SVBP: variants seen among roughly 807,000 people sequenced by gnomAD.
SVBP encodes the protein small vasohibin-binding protein.
In SVBP, 9 loss-of-function variants were observed where a neutral mutation model predicts 9.2. The ratio of observed to expected loss-of-function variants is 0.98; its 90% CI spans 0.59 to 1.71. SVBP has a LOEUF of 1.71. SVBP is among the 40% of genes most tolerant of loss of function. SVBP has a pLI of 0.00. For missense variants in SVBP, 63 were observed against 73.2 expected, an observed-to-expected ratio of 0.86 and a Z score of 0.51; for synonymous variants, 27 against 23.9, an observed-to-expected ratio of 1.13 and a Z score of -0.37.
In SVBP at chr1:42,816,515, G is replaced by C. The variant is rs752729476; in HGVS notation, c.30C>G (p.Thr10=). The C allele has an allele frequency of 9.9e-6, 16 of 1,613,778 alleles. No homozygotes were observed. Among genetic ancestry groups the C allele is most frequent in the Non-Finnish European group, 1.4e-5 (16 of 1,179,926 alleles). The change falls in exon 2 of 3, where the codon ACC becomes ACG. Residue 10 remains threonine (T), a synonymous_variant. Coordinates refer to ENST00000372521, the MANE Select transcript of SVBP (RefSeq NM_199342.4). The part of the protein sequence containing the change: MDPPARKEK[T]KVKESVSRVE... ...CTCTGCTGACAGATTCTTTAACTTT[G>C]GTTTTTTCTTTACGTGCAGGTGGAT... is the stretch of plus-strand genomic sequence containing the variant.
intron 2 of SVBP, among the ~76,000 whole-genome samples, chr1:42,810,150 ACACAT>A (rs1654051439): frequency 6.8e-6 from 1 of 147,020 alleles, no homozygotes; most frequent in Non-Finnish European, 1.5e-5. Context: ...ACACACACAC[ACACAT>A]ATATTTTTTT....
rs576759409 is a variant in SVBP at position 42,807,310 on chromosome 1, T to A, written c.*104A>T. 1.4e-6 allele frequency: 1 copy of A among 730,188 alleles called. No homozygotes were observed. Among genetic ancestry groups the A allele is most frequent in the South Asian group, 1.7e-5 (1 of 57,950 alleles). The allele number at this position is 730,188 out of a possible 1,614,324, so 45.2% of individuals were successfully genotyped here. A position where few individuals can be genotyped will look rare whatever the true frequency, so the allele number is the denominator to read the frequency against. ...GTGAGTTCAGATTTATCCACAAATG[T>A]CTTCTGGTCTAGTTCTGTAAGGCTC... is the stretch of plus-strand genomic sequence containing the variant. On this transcript the variant is annotated 3_prime_UTR_variant, in exon 3 of 3. Coordinates refer to ENST00000372521, the MANE Select transcript of SVBP (RefSeq NM_199342.4).
chr1:42,810,113 C>T lies in SVBP; in HGVS notation c.115-2613G>A, dbSNP rs577079250. 2.4e-4 allele frequency among the ~76,000 whole-genome samples: 32 copies of T among 135,754 alleles called. 1 individual carries two copies. The highest frequency in any genetic ancestry group is 1.1e-3 in the Admixed American group (16 of 14,064). The allele number at this position is 135,754 out of a possible 152,430, so 89.1% of individuals were successfully genotyped here. A position where few individuals can be genotyped will look rare whatever the true frequency, so the allele number is the denominator to read the frequency against. ...TACTTTTAACACACACACACACACACACATACATACATACACACACACACA... is the reference window on the plus strand; with the variant it reads ...TACTTTTAACACACACACACACACATACATACATACATACACACACACACA... On this transcript the variant is annotated intron_variant, in intron 2 of 2. Coordinates refer to ENST00000372521, the MANE Select transcript of SVBP (RefSeq NM_199342.4).
rs369898304 is a variant in SVBP, at chr1:42,807,481, A to C, written c.134T>G (p.Val45Gly). The change falls in exon 3 of 3, where the codon GTC becomes GGC. Residue 45 changes from valine to glycine, a missense_variant. Coordinates refer to ENST00000372521, the MANE Select transcript of SVBP (RefSeq NM_199342.4). The stretch of plus-strand genomic sequence containing the variant: ...CTGCTGCTGCTCCAGTTCTGTCATG[A>C]CTCTGTTGAGGGCATAGATCTGAAT... Reference protein sequence around the residue: ...QRAEIYALNRVMTELEQQQFD... With the variant: ...QRAEIYALNRGMTELEQQQFD... The C allele has an allele frequency of 1.9e-6, 3 of 1,613,560 alleles. No individual in the cohort carries two copies. Among genetic ancestry groups the C allele is most frequent in the Non-Finnish European group, 2.5e-6 (3 of 1,179,680 alleles).
In SVBP at chr1:42,807,128, A is replaced by T; in HGVS notation, c.*286T>A. 1 of 257,940 alleles carries T rather than the reference A, an allele frequency of 3.9e-6. No individual in the cohort carries two copies. The highest frequency in any genetic ancestry group is 7.2e-6 in the Non-Finnish European group (1 of 138,112). The allele number at this position is 257,940 out of a possible 1,614,324, so 16.0% of individuals were successfully genotyped here. On this transcript the variant is annotated 3_prime_UTR_variant, in exon 3 of 3. Coordinates refer to ENST00000372521, the MANE Select transcript of SVBP (RefSeq NM_199342.4). ...TGAGAAACACTGATTTTTCTCAAAC[A>T]ATAGAAAAAGTGTTTTTTGTGTGTG... is the stretch of plus-strand genomic sequence containing the variant.
Position 42,807,381 on chromosome 1 carries a change from T to G in SVBP, c.*33A>C. Reference sequence around the variant, plus strand: ...AAAACTGGCAACACCCTCTCAAAGCTCTCAGGATCCCATCTGGTTTGAACC... The same window carrying G: ...AAAACTGGCAACACCCTCTCAAAGCGCTCAGGATCCCATCTGGTTTGAACC... On this transcript the variant is annotated 3_prime_UTR_variant, in exon 3 of 3. Coordinates refer to ENST00000372521, the MANE Select transcript of SVBP (RefSeq NM_199342.4). The G allele has an allele frequency of 6.4e-7, 1 of 1,551,426 alleles. No homozygotes were observed. The highest frequency in any genetic ancestry group is 8.9e-7 in the Non-Finnish European group (1 of 1,123,398).
intron 2 of SVBP, among the ~76,000 whole-genome samples, chr1:42,810,715 G>A (rs1057482329): frequency 1.2e-4 from 18 of 151,998 alleles, no homozygotes; most frequent in African/African-American, 3.4e-4. Flanking sequence ...TGTGCCTTCC[G>A]TTCCCATTCA....
chr1:42,814,693 G>A (rs1461212427), intron 2 of SVBP, among the ~76,000 whole-genome samples: 2 of 152,118 alleles, frequency 1.3e-5, no homozygotes, highest in Non-Finnish European at 2.9e-5. Context: ...AGTTAGAATG[G>A]CGATCATTAA....
chr1:42,807,996 T>A (rs1653995762), intron 2 of SVBP, among the ~76,000 whole-genome samples: 1 of 151,402 alleles, frequency 6.6e-6, no homozygotes. Flanking sequence ...AAGGATATTA[T>A]AGAGTAGGGG....
intron 2 of SVBP, among the ~76,000 whole-genome samples, chr1:42,807,795 G>C (rs1653992121): frequency 6.6e-6 from 1 of 152,044 alleles, no homozygotes; most frequent in Non-Finnish European, 1.5e-5. Flanking sequence ...CAGTGAAGTA[G>C]AAGTTACATA....
chr1:42,817,268 C>G lies in SVBP; in HGVS notation c.-115G>C. ...CCTCCGGGAGGGTAATCCTCGCCTT[C>G]CCCCGACCACTGGACCCAGCGCTGC... On this transcript the variant is annotated 5_prime_UTR_variant, in exon 1 of 3. Transcript: ENST00000372521. The G allele has an allele frequency of 8.1e-7, 1 of 1,241,176 alleles. No homozygotes were observed. Among genetic ancestry groups the G allele is most frequent in the Non-Finnish European group, 1.0e-6 (1 of 964,232 alleles). The allele number at this position is 1,241,176 out of a possible 1,614,324, so 76.9% of individuals were successfully genotyped here.
rs1175614980 is a variant in SVBP at position 42,817,372 on chromosome 1, C to A, written c.-219G>T. On this transcript the variant is annotated 5_prime_UTR_variant, in exon 1 of 3. Coordinates refer to ENST00000372521, the MANE Select transcript of SVBP (RefSeq NM_199342.4). ...GGGCCGAGCGCCAGGAGGCTTCCGC[C>A]CGCAGGAGCGGCCGCGCGTGCGCAG... 2 of 603,126 alleles carry A rather than the reference C, an allele frequency of 3.3e-6. No individual in the cohort carries two copies. Among genetic ancestry groups the A allele is most frequent in the South Asian group, 6.8e-5 (2 of 29,330 alleles). The allele number at this position is 603,126 out of a possible 1,614,324, so 37.4% of individuals were successfully genotyped here.
chr1:42,816,332 C>G, intron 2 of SVBP, 99 bp downstream of exon 2: 1 of 865,794 alleles, frequency 1.2e-6, no homozygotes, highest in South Asian at 1.6e-5. Context: ...TGCCTGGAGG[C>G]AAGTATGGCT....
intron 2 of SVBP, among the ~76,000 whole-genome samples, chr1:42,808,117 G>T: frequency 7.3e-6 from 1 of 136,128 alleles, no homozygotes; most frequent in Non-Finnish European, 1.5e-5. Context: ...AAGTGTGCAG[G>T]GGAGCAATGT....
chr1:42,812,990 T>C lies in SVBP; in HGVS notation c.114+3441A>G, dbSNP rs555533999. Among the ~76,000 whole-genome samples, 120 of 152,356 alleles carry C rather than the reference T, an allele frequency of 7.9e-4. 3 individuals are homozygous for C. The South Asian group carries it at 0.024, about 30-fold the overall frequency. Reference sequence around the variant, plus strand: ...CAAGTTTTTTTTGCCAATTTTAAGCTGTTAAGCTTTAAGACCAAACTATGT... The same window carrying C: ...CAAGTTTTTTTTGCCAATTTTAAGCCGTTAAGCTTTAAGACCAAACTATGT... On this transcript the variant is annotated intron_variant, in intron 2 of 2. Coordinates refer to ENST00000372521, the MANE Select transcript of SVBP (RefSeq NM_199342.4).
chr1:42,808,632 T>C (rs7554912), intron 2 of SVBP, among the ~76,000 whole-genome samples: 7,295 of 148,538 alleles, frequency 0.049, 275 homozygotes, highest in African/African-American at 0.1. Context: ...TATAAGCCTA[T>C]ATATGTATGT....
chr1:42,810,121 T>TACACAC (rs763790296), intron 2 of SVBP, among the ~76,000 whole-genome samples: 4 of 137,762 alleles, frequency 2.9e-5, no homozygotes, highest in African/African-American at 1.2e-4. Flanking sequence ...CACACATACA[T>TACACAC]ACATACACAC....
At position 42,807,626 on chromosome 1, in the gene SVBP, G is replaced by A. The variant is rs1308162110; in HGVS notation, c.115-126C>T. 4 of 681,806 alleles carry A rather than the reference G, an allele frequency of 5.9e-6. No homozygotes were observed. The East Asian group carries it at 1.0e-4, about 17-fold the overall frequency. 42.2% of individuals were successfully genotyped at this position (681,806 alleles called of 1,614,324 possible). A position where few individuals can be genotyped will look rare whatever the true frequency, so the allele number is the denominator to read the frequency against. ...CCAGTAGTGGTAATGCAGGGACAGT[G>A]CTCTGGGAATAGGAAAGTTAGATAT... On this transcript the variant is annotated intron_variant, in intron 2 of 2. Transcript: ENST00000372521.
chr1:42,817,057 A>ACCCCC, intron 1 of SVBP, 133 bp downstream of exon 1: 1 of 55,438 alleles, frequency 1.8e-5, no homozygotes, highest in Non-Finnish European at 3.8e-5. Flanking sequence ...CCCGCCCCCC[A>ACCCCC]CCGCCCGGCC....
Sources: gnomAD v4.1 joint callset for allele counts (sites outside exome capture counted in the v4.1 genomes callset) on GRCh38, gnomAD v4.1.1 for gene constraint, MANE v1.5 for transcripts, NCBI Gene and HGNC (gene_info 2026-07-23, HGNC 2026-07-21) for gene names.